The following EPHA8 variants were observed in gnomAD, a reference collection of about 807,000 sequenced individuals.
The protein encoded by EPHA8 is ephrin type-A receptor 8.
A neutral mutation model predicts 103.6 loss-of-function variants in EPHA8; 58 were observed. That is an observed-to-expected ratio of 0.56 (90% CI 0.45 to 0.70). EPHA8 has a LOEUF of 0.70. Ranked by LOEUF, EPHA8 falls within the 30% of genes least tolerant of loss-of-function variation. The pLI is 0.00. For synonymous variants in EPHA8, 559 were observed against 572.5 expected (o/e 0.98, Z 0.34); for missense variants, 1,304 against 1,395.2 (o/e 0.93, Z 1.04).
chr1:22,569,261 T>C lies in EPHA8; in HGVS notation c.95-28T>C. ...GAGCTGGGGAGAAGTCAGAGGGGCC[T>C]GATGCCCTCTTGTCTCCTGTTTTAC... On this transcript the variant is annotated intron_variant, in intron 1 of 16. Coordinates refer to ENST00000166244, the MANE Select transcript of EPHA8 (RefSeq NM_020526.5). The surrounding 1 kb of genome is among the most constrained non-coding windows in gnomAD (Gnocchi z 4.5). 6.2e-7 allele frequency: 1 copy of C among 1,612,722 alleles called. No homozygotes were observed. The highest frequency in any genetic ancestry group is 8.5e-7 in the Non-Finnish European group (1 of 1,179,244).
At chr1:22,571,109 A>G (rs1214674004) in intron 2 of EPHA8, among the ~76,000 whole-genome samples, 1 of 152,178 alleles carries the variant, frequency 6.6e-6, no homozygotes, top group Non-Finnish European at 1.5e-5. Flanking sequence ...TGTTTAGGGT[A>G]GTGAGGAATT....
chr1:22,573,028 T>C (rs999798025), intron 2 of EPHA8, among the ~76,000 whole-genome samples: 4 of 152,226 alleles, frequency 2.6e-5, no homozygotes, highest in African/African-American at 7.2e-5. Flanking sequence ...AGGGAGCAGC[T>C]GGCTGGCTCT....
chr1:22,590,895 C>T (rs1321954731), intron 5 of EPHA8, among the ~76,000 whole-genome samples: 2 of 152,164 alleles, frequency 1.3e-5, no homozygotes. Flanking sequence ...CGCCCTAGGA[C>T]ATGGCACCTC....
At chr1:22,599,912 GGA>G (rs1286633676) in intron 13 of EPHA8, among the ~76,000 whole-genome samples, 3 of 58,648 alleles carry the variant, frequency 5.1e-5, no homozygotes, top group East Asian at 6.6e-4. Context: ...AGGGAGGGAA[GGA>G]GAGAAGGGAC....
Position 22,589,682 on chromosome 1 carries a change from G to A in EPHA8, c.1315+476G>A. 8.9e-7 allele frequency: 1 copy of A among 1,120,944 alleles called. No individual in the cohort carries two copies. Among genetic ancestry groups the A allele is most frequent in the Non-Finnish European group, 1.1e-6 (1 of 918,354 alleles). 69.4% of individuals were successfully genotyped at this position (1,120,944 alleles called of 1,614,324 possible). On this transcript the variant is annotated intron_variant, in intron 5 of 16. Coordinates refer to ENST00000166244, the MANE Select transcript of EPHA8 (RefSeq NM_020526.5). This position sits in a 1 kb window ranked among gnomAD's most constrained non-coding sequence, Gnocchi z 4.3. ...AGCTGCCCTTGGGATAGACTTGGCT[G>A]CACTGGCTTGGACCACAGTAGTTTA...
chr1:22,588,404 G>A (rs992421795), intron 4 of EPHA8, among the ~76,000 whole-genome samples: 26 of 152,314 alleles, frequency 1.7e-4, no homozygotes, highest in Non-Finnish European at 3.4e-4. Flanking sequence ...GGGGATACAC[G>A]GTGGGCTTCT....
At chr1:22,583,395 G>T (rs191546471) in intron 3 of EPHA8, among the ~76,000 whole-genome samples, 2 of 152,242 alleles carry the variant, frequency 1.3e-5, no homozygotes, top group East Asian at 3.8e-4. Context: ...GAGAACTGCC[G>T]ACTGGTGAGC....
At chr1:22,579,351 A>G (rs926934992) in intron 3 of EPHA8, among the ~76,000 whole-genome samples, 3 of 130,354 alleles carry the variant, frequency 2.3e-5, no homozygotes, top group Non-Finnish European at 4.7e-5. Flanking sequence ...GAGTGTATGT[A>G]TGCGTGTGTG....
At chr1:22,594,219 T>A (rs1013392192) in intron 7 of EPHA8, among the ~76,000 whole-genome samples, 1 of 152,116 alleles carries the variant, frequency 6.6e-6, no homozygotes, top group Middle Eastern at 3.4e-3. Context: ...TCTCCCACCT[T>A]GGCCTCCCAA....
intron 5 of EPHA8, among the ~76,000 whole-genome samples, chr1:22,591,965 C>A (rs1040294413): frequency 1.3e-5 from 2 of 152,198 alleles, no homozygotes; most frequent in African/African-American, 4.8e-5. Flanking sequence ...TTATTGGACG[C>A]CCTGTCTCCT....
chr1:22,599,820 A>G (rs1292296616), intron 13 of EPHA8, among the ~76,000 whole-genome samples: 7 of 186 alleles, frequency 0.038, no homozygotes, highest in South Asian at 0.21. Flanking sequence ...GAAAGAAGAA[A>G]GGAAGGGAGG....
At chr1:22,583,035 C>T (rs531547860) in intron 3 of EPHA8, among the ~76,000 whole-genome samples, 5 of 152,358 alleles carry the variant, frequency 3.3e-5, no homozygotes, top group African/African-American at 4.8e-5. Context: ...GTCAAATCTC[C>T]GGCTCTTTGC....
At position 22,576,275 on chromosome 1, in the gene EPHA8, G is replaced by C. The variant is rs753231159; in HGVS notation, c.218G>C (p.Cys73Ser). Residue 73 changes from cysteine to serine, a missense_variant, in exon 3 of 17, where the codon TGC becomes TCC. Coordinates refer to ENST00000166244, the MANE Select transcript of EPHA8 (RefSeq NM_020526.5). The surrounding 1 kb of genome is among the most constrained non-coding windows in gnomAD (Gnocchi z 4.8). ...CAGCCCATCCACACGTACCAGGTTT[G>C]CAACGTCATGAGCCCCAACCAGAAC... ...SFQPIHTYQV[C>S]NVMSPNQNNW... The C allele has an allele frequency of 6.2e-7, 1 of 1,613,888 alleles. No homozygotes were observed. Among genetic ancestry groups the C allele is most frequent in the Non-Finnish European group, 8.5e-7 (1 of 1,180,012 alleles).
intron 3 of EPHA8, among the ~76,000 whole-genome samples, chr1:22,578,189 CATGTGTGTGCGTGCGAGTGTGTGCGTGT>C (rs1344597141): frequency 1.8e-4 from 6 of 33,110 alleles, no homozygotes; most frequent in Admixed American, 1.4e-3. Context: ...TGTGTGCGTG[CATGTGTGTGCGTGCGAGTGTGTGCGTGT>C]GAGTGTGCAT....
chr1:22,588,829 A>C (rs1185188701), intron 4 of EPHA8, 42 bp from the exon 5 acceptor site: 11 of 1,535,322 alleles, frequency 7.2e-6, no homozygotes, highest in Non-Finnish European at 9.6e-6. Context: ...AGGACAGCCC[A>C]AATAAATAAC....
chr1:22,571,246 C>T (rs577529391), intron 2 of EPHA8, among the ~76,000 whole-genome samples: 4 of 152,296 alleles, frequency 2.6e-5, no homozygotes, highest in Middle Eastern at 3.4e-3. Context: ...ATTGCATTTG[C>T]GAGTTAGAAC....
rs2124521828 is a variant in EPHA8, at chr1:22,576,953, AG to A, written c.823+79del. On this transcript the variant is annotated intron_variant, in intron 3 of 16. Transcript: ENST00000166244. The surrounding 1 kb of genome is among the most constrained non-coding windows in gnomAD (Gnocchi z 4.8). ...GTCTTGGCAGGGCTGCCAGGGTGTA[AG>A]GGGGGACGTCAGAGCCCACAGGCAC... 3 of 1,488,112 alleles carry A rather than the reference AG, an allele frequency of 2.0e-6. No homozygotes were observed. The East Asian group carries it at 7.1e-5, about 35-fold the overall frequency. The allele number at this position is 1,488,112 out of a possible 1,614,324, so 92.2% of individuals were successfully genotyped here. A position where few individuals can be genotyped will look rare whatever the true frequency, so the allele number is the denominator to read the frequency against.
chr1:22,602,062 G>T lies in EPHA8; in HGVS notation c.*321G>T, dbSNP rs1488644636. On this transcript the variant is annotated 3_prime_UTR_variant, in exon 17 of 17. Coordinates refer to ENST00000166244, the MANE Select transcript of EPHA8 (RefSeq NM_020526.5). ...CCTCTGTGTGCGTGCATGTGTGTGT[G>T]TGGTGGGGGGTGTTCTCACAAGGTC... 6.4e-6 allele frequency: 3 copies of T among 465,972 alleles called. No homozygotes were observed. The highest frequency in any genetic ancestry group is 6.2e-5 in the African/African-American group (3 of 48,444). 28.9% of individuals were successfully genotyped at this position (465,972 alleles called of 1,614,324 possible).
Position 22,576,337 on chromosome 1 carries a change from G to T in EPHA8, c.280G>T (p.Ala94Ser). ...LRTSWVPRDGARRVYAEIKFT... is the reference protein window; with the variant it reads ...LRTSWVPRDGSRRVYAEIKFT... ...CACGAGCTGGGTCCCCCGAGACGGC[G>T]CCCGGCGCGTCTATGCTGAGATCAA... Residue 94 changes from alanine to serine, a missense_variant, in exon 3 of 17, where the codon GCC becomes TCC. By Grantham distance (99) the Ala-to-Ser change is moderately conservative. Coordinates refer to ENST00000166244, the MANE Select transcript of EPHA8 (RefSeq NM_020526.5). The surrounding 1 kb of genome is among the most constrained non-coding windows in gnomAD (Gnocchi z 4.8). 1 of 1,613,752 alleles carries T rather than the reference G, an allele frequency of 6.2e-7. No homozygotes were observed. Among genetic ancestry groups the T allele is most frequent in the Non-Finnish European group, 8.5e-7 (1 of 1,180,014 alleles).
Sources: gnomAD v4.1 joint callset for allele counts (sites outside exome capture counted in the v4.1 genomes callset) on GRCh38, gnomAD v4.1.1 for gene constraint, Gnocchi (gnomAD v3.1) non-coding constraint, MANE v1.5 for transcripts, NCBI Gene and HGNC (gene_info 2026-07-23, HGNC 2026-07-21) for gene names.